The following NCALD variants were observed in gnomAD, a reference collection of about 807,000 sequenced individuals.
NCALD encodes the protein neurocalcin delta, also known as neurocalcin-delta.
NCALD carries 10 observed loss-of-function variants against 18.6 expected under a neutral mutation model. That is an observed-to-expected ratio of 0.54 (90% confidence interval 0.33 to 0.91). NCALD has a LOEUF of 0.91. Among genes scored for constraint, NCALD ranks in the 40% least tolerant of loss-of-function variants. The pLI is 0.03. For missense variants in NCALD, 184 were observed against 247.6 expected, an observed-to-expected ratio of 0.74 and a Z score of 1.72; for synonymous variants, 88 against 87.4, an observed-to-expected ratio of 1.01 and a Z score of -0.04.
intron 1 of NCALD, among the ~76,000 whole-genome samples, chr8:101,758,294 AG>A (rs1361541475): frequency 6.6e-6 from 1 of 152,056 alleles, no homozygotes; most frequent in African/African-American, 2.4e-5. Flanking sequence ...CCTTCTTAGC[AG>A]GCCCCAGCTC....
chr8:101,732,802 G>C (rs887089844), intron 1 of NCALD, among the ~76,000 whole-genome samples: 17 of 151,640 alleles, frequency 1.1e-4, no homozygotes, highest in African/African-American at 3.1e-4. Context: ...CGGGTTTTTG[G>C]CATGTTGACC....
intron 4 of NCALD, among the ~76,000 whole-genome samples, chr8:101,835,227 T>C (rs1814362363): frequency 1.3e-5 from 2 of 152,264 alleles, no homozygotes; most frequent in Admixed American, 1.3e-4. Flanking sequence ...TAAGTGCCAC[T>C]TGGCTTTCTA....
chr8:101,865,654 TATG>T (rs149428512), intron 4 of NCALD, among the ~76,000 whole-genome samples: 4,937 of 152,116 alleles, frequency 0.032, 292 homozygotes, highest in African/African-American at 0.11. Context: ...TGTTTGTGCA[TATG>T]ATATTTCTTC....
chr8:101,953,798 C>T (rs1469097269), intron 2 of NCALD, among the ~76,000 whole-genome samples: 2 of 152,232 alleles, frequency 1.3e-5, no homozygotes, highest in East Asian at 1.9e-4. Context: ...AGTAAATTAT[C>T]AAAACTGAGG....
At chr8:102,106,348 A>T (rs1402643811) in intron 1 of NCALD, among the ~76,000 whole-genome samples, 2 of 151,968 alleles carry the variant, frequency 1.3e-5, no homozygotes, top group Non-Finnish European at 2.9e-5. Flanking sequence ...TGCTGGGATT[A>T]TAGGCGTGAG....
At chr8:101,812,500 T>A (rs111336445) in intron 4 of NCALD, among the ~76,000 whole-genome samples, 5 of 152,286 alleles carry the variant, frequency 3.3e-5, no homozygotes, top group African/African-American at 9.6e-5. Flanking sequence ...CATCAAGACT[T>A]GACACTGGCT....
chr8:101,768,102 A>G (rs1460608113), intron 1 of NCALD, among the ~76,000 whole-genome samples: 1 of 152,226 alleles, frequency 6.6e-6, no homozygotes, highest in Admixed American at 6.5e-5. Flanking sequence ...GGGGAGACTC[A>G]GCATTTGAAC....
chr8:101,712,492 C>T (rs561051390), intron 2 of NCALD, among the ~76,000 whole-genome samples: 1 of 148,350 alleles, frequency 6.7e-6, no homozygotes, highest in African/African-American at 2.5e-5. Context: ...CAAGACCCAT[C>T]AGTGTGATGT....
intron 4 of NCALD, among the ~76,000 whole-genome samples, chr8:101,865,079 T>C (rs1156669795): frequency 6.6e-6 from 1 of 152,200 alleles, no homozygotes; most frequent in East Asian, 1.9e-4. Context: ...GGGGTTCTAG[T>C]TTCTCCCTGA....
chr8:102,011,207 C>T (rs1195099870), intron 2 of NCALD, among the ~76,000 whole-genome samples: 1 of 152,160 alleles, frequency 6.6e-6, no homozygotes, highest in Non-Finnish European at 1.5e-5. Flanking sequence ...ACCCCTACTC[C>T]CCCAACACAG....
At chr8:101,722,894 T>C (rs1816422992) in intron 1 of NCALD, among the ~76,000 whole-genome samples, 1 of 152,268 alleles carries the variant, frequency 6.6e-6, no homozygotes, top group African/African-American at 2.4e-5. Context: ...AGAATTCATC[T>C]ACAAACACTT....
In NCALD at chr8:101,957,041, T is replaced by C. The variant is rs568914680; in HGVS notation, c.-156-41183A>G. ...TTTCTTCCTTAATGGAGCTCAGAGATAAATTCAGACCCTGTCATTAACCCA... is the reference window on the plus strand; with the variant it reads ...TTTCTTCCTTAATGGAGCTCAGAGACAAATTCAGACCCTGTCATTAACCCA... On this transcript the variant is annotated intron_variant, in intron 2 of 6. Transcript: ENST00000311028. Among the ~76,000 whole-genome samples the C allele has an allele frequency of 5.3e-5, 8 of 152,282 alleles. No homozygotes were observed. The South Asian group carries it at 1.7e-3, about 32-fold the overall frequency.
chr8:101,705,093 GGTGC>G (rs1815448755), intron 2 of NCALD, among the ~76,000 whole-genome samples: 1 of 148,200 alleles, frequency 6.7e-6, no homozygotes, highest in Non-Finnish European at 1.5e-5. Context: ...TGGGCATGGT[GGTGC>G]GCACCTGTAA....
At chr8:101,927,535 C>G (rs900639855) in intron 2 of NCALD, among the ~76,000 whole-genome samples, 1 of 152,130 alleles carries the variant, frequency 6.6e-6, no homozygotes, top group Non-Finnish European at 1.5e-5. Flanking sequence ...CAGGGAAGAG[C>G]AATCTAAGCA....
intron 4 of NCALD, among the ~76,000 whole-genome samples, chr8:101,801,768 G>T (rs923217349): frequency 1.4e-5 from 2 of 138,488 alleles, no homozygotes; most frequent in African/African-American, 5.3e-5. Context: ...CCGGGTTCAC[G>T]CCATTCTCCT....
chr8:101,693,820 CT>C (rs1814861480), intron 2 of NCALD: 1 of 152,224 alleles, frequency 6.6e-6, no homozygotes, highest in Admixed American at 6.5e-5. Context: ...GCTTTTCTCC[CT>C]GTGTGTGACA....
At chr8:102,056,863 C>T (rs1285886808) in intron 1 of NCALD, among the ~76,000 whole-genome samples, 2 of 152,246 alleles carry the variant, frequency 1.3e-5, no homozygotes, top group South Asian at 2.1e-4. Flanking sequence ...ATAGGATTTA[C>T]ATCACTGAGT....
intron 2 of NCALD, among the ~76,000 whole-genome samples, chr8:101,940,784 CAG>C (rs1224966728): frequency 2.0e-5 from 3 of 151,820 alleles, no homozygotes; most frequent in African/African-American, 4.9e-5. Context: ...ATGAAAAAAA[CAG>C]AATAAAAATG....
At chr8:102,061,815 C>G (rs189576455) in intron 1 of NCALD, among the ~76,000 whole-genome samples, 1 of 152,160 alleles carries the variant, frequency 6.6e-6, no homozygotes, top group Non-Finnish European at 1.5e-5. Context: ...TGAAATTTCA[C>G]GTACACACGG....
Sources: gnomAD v4.1 joint callset for allele counts (sites outside exome capture counted in the v4.1 genomes callset) on GRCh38, gnomAD v4.1.1 for gene constraint, MANE v1.5 for transcripts, NCBI Gene and HGNC (gene_info 2026-07-23, HGNC 2026-07-21) for gene names.